The following CIT variants were observed in gnomAD, a reference collection of about 807,000 sequenced individuals.
CIT encodes citron rho-interacting serine/threonine kinase.
In CIT, 79 loss-of-function variants were observed where a neutral mutation model predicts 272.7. That is an observed-to-expected ratio of 0.29 (90% CI 0.24 to 0.35). CIT has a LOEUF of 0.35. Ranked by LOEUF, CIT falls within the 10% of genes least tolerant of loss-of-function variation. The probability of loss-of-function intolerance (pLI) is 1.00; values close to 1 mark genes in which losing one functional copy is unlikely to be tolerated. For missense variants in CIT, 1,909 were observed against 2,618.3 expected, an observed-to-expected ratio of 0.73 and a Z score of 5.91; for synonymous variants, 948 against 995.6, an observed-to-expected ratio of 0.95 and a Z score of 0.90.
chr12:119,845,653 A>C (rs1396809506), intron 5 of CIT, among the ~76,000 whole-genome samples: 3 of 123,376 alleles, frequency 2.4e-5, no homozygotes, highest in South Asian at 5.4e-4. Flanking sequence ...ACTCTGTCTC[A>C]AAAAAAAAAA....
At chr12:119,769,075 CTTT>C (rs10719345) in intron 18 of CIT, among the ~76,000 whole-genome samples, 6 of 142,572 alleles carry the variant, frequency 4.2e-5, no homozygotes, top group African/African-American at 2.6e-5. Context: ...GATAATCATC[CTTT>C]TTTTTTTTTT....
chr12:119,845,753 C>T (rs1198302871), intron 5 of CIT, among the ~76,000 whole-genome samples: 2 of 151,664 alleles, frequency 1.3e-5, no homozygotes, highest in East Asian at 3.9e-4. Context: ...AGTTCAAGAC[C>T]AGCCTGGCCA....
chr12:119,788,910 A>C (rs918273374), intron 10 of CIT, among the ~76,000 whole-genome samples: 4 of 152,164 alleles, frequency 2.6e-5, no homozygotes, highest in African/African-American at 9.7e-5. Flanking sequence ...AGAATAAATA[A>C]AAATTGCATC....
chr12:119,773,031 A>C, intron 16 of CIT, 121 bp from the exon 17 acceptor site: 1 of 932,920 alleles, frequency 1.1e-6, no homozygotes, highest in Non-Finnish European at 1.5e-6. Context: ...AAAAAAAAAA[A>C]GATAGTGACA....
At chr12:119,745,519 A>T (rs1476047556) in intron 23 of CIT, among the ~76,000 whole-genome samples, 1 of 152,106 alleles carries the variant, frequency 6.6e-6, no homozygotes, top group East Asian at 1.9e-4. Context: ...CCTGTGCTAT[A>T]AGAAATGTTA....
At chr12:119,772,663 A>G (rs980773119) in intron 17 of CIT, 107 bp downstream of exon 17, 1 of 1,272,760 alleles carries the variant, frequency 7.9e-7, no homozygotes, top group Non-Finnish European at 1.0e-6. Flanking sequence ...TCAGAAGGGA[A>G]AGCAGCTTTG....
chr12:119,707,148 T>G (rs1956916608), intron 40 of CIT, among the ~76,000 whole-genome samples: 2 of 152,198 alleles, frequency 1.3e-5, no homozygotes, highest in African/African-American at 4.8e-5. Flanking sequence ...TTAGATTTTT[T>G]TTAAGGTTCA....
At chr12:119,709,779 AGAGAGAGAGTGTGTGT>A (rs1360248421) in intron 39 of CIT, among the ~76,000 whole-genome samples, 344 of 60,214 alleles carry the variant, frequency 5.7e-3, no homozygotes, top group Middle Eastern at 0.031. Context: ...AGAGAGAGAG[AGAGAGAGAGTGTGTGT>A]GTGTGTGTGT....
At chr12:119,860,370 A>C (rs1950301662) in intron 3 of CIT, among the ~76,000 whole-genome samples, 1 of 152,184 alleles carries the variant, frequency 6.6e-6, no homozygotes, top group Admixed American at 6.5e-5. Context: ...TACATGGGGA[A>C]TGCCATGAAG....
chr12:119,720,168 C>T (rs1157307064), intron 30 of CIT, among the ~76,000 whole-genome samples: 1 of 152,212 alleles, frequency 6.6e-6, no homozygotes, highest in Non-Finnish European at 1.5e-5. Context: ...ATAAATCTTT[C>T]TCTCTGCATA....
intron 26 of CIT, among the ~76,000 whole-genome samples, chr12:119,731,658 C>T (rs1958453146): frequency 6.6e-6 from 1 of 151,590 alleles, no homozygotes; most frequent in Non-Finnish European, 1.5e-5. Flanking sequence ...CTCCACTGGC[C>T]ATTCCCTCCT....
At chr12:119,691,271 A>T (rs1403622303) in intron 46 of CIT, among the ~76,000 whole-genome samples, 1 of 152,150 alleles carries the variant, frequency 6.6e-6, no homozygotes, top group Non-Finnish European at 1.5e-5. Context: ...CACAGAAGGA[A>T]GTCATCAACT....
In CIT at chr12:119,721,390, T is replaced by C; in HGVS notation, c.3651A>G (p.Gln1217=). Residue 1217 remains glutamine, a synonymous_variant, in exon 29 of 48, where the codon CAA becomes CAG. Coordinates refer to ENST00000392521, the MANE Select transcript of CIT (RefSeq NM_001206999.2). ...CCCGATCTAGAGCTTCTTGCAGTCC[T>C]TGAGTCAGACGGAAAATGTGATTTT... ...LQKNHIFRLT[Q]GLQEALDRAD... is the part of the protein sequence containing the mutation. 6.2e-7 allele frequency: 1 copy of C among 1,612,098 alleles called. No individual in the cohort carries two copies. The highest frequency in any genetic ancestry group is 8.5e-7 in the Non-Finnish European group (1 of 1,178,302).
intron 12 of CIT, chr12:119,783,609 G>A (rs1385999665): frequency 8.7e-6 from 2 of 230,868 alleles, no homozygotes; most frequent in African/African-American, 4.5e-5. Context: ...AGGCTGGGAT[G>A]GGAGATGTTA....
intron 46 of CIT, among the ~76,000 whole-genome samples, chr12:119,692,857 C>T (rs1956033459): frequency 6.6e-6 from 1 of 152,202 alleles, no homozygotes; most frequent in African/African-American, 2.4e-5. Flanking sequence ...CTCAGAAGGC[C>T]AGAACCCCTG....
chr12:119,876,327 G>A, intron 1 of CIT, 146 bp from the exon 2 acceptor site: 3 of 567,882 alleles, frequency 5.3e-6, no homozygotes, highest in Non-Finnish European at 9.4e-6. Context: ...TAATCATGGA[G>A]ATTAAACACC....
intron 19 of CIT, among the ~76,000 whole-genome samples, chr12:119,763,531 C>T (rs139132491): frequency 5.3e-4 from 80 of 152,216 alleles, no homozygotes; most frequent in African/African-American, 1.9e-3. Flanking sequence ...GCCTGGCCTC[C>T]TATATTTCTT....
In CIT at chr12:119,857,715, A is replaced by G. The variant is rs370356207; in HGVS notation, c.239-17T>C. The G allele has an allele frequency of 5.0e-6, 8 of 1,605,028 alleles. No individual in the cohort carries two copies. In the African/African-American group the frequency reaches 5.4e-5, roughly 11 times the overall value. ...TGTCGGAATCTGCAAAAGATGCAAG[A>G]GTTAGCCCCAGGTAAATAAAGCATG... is the stretch of plus-strand genomic sequence containing the variant. On this transcript the variant is annotated splice_polypyrimidine_tract_variant and intron_variant, in intron 3 of 47. Transcript: ENST00000392521.
At position 119,712,951 on chromosome 12, in the gene CIT, CAGA is replaced by C. The variant is rs1245012857; in HGVS notation, c.4579+249_4579+251del. 3.5e-6 allele frequency: 2 copies of C among 579,536 alleles called. No individual in the cohort carries two copies. Among genetic ancestry groups the C allele is most frequent in the African/African-American group, 3.7e-5 (2 of 53,420 alleles). The allele number at this position is 579,536 out of a possible 1,614,324, so 35.9% of individuals were successfully genotyped here. On this transcript the variant is annotated intron_variant, in intron 35 of 47. Coordinates refer to ENST00000392521, the MANE Select transcript of CIT (RefSeq NM_001206999.2). This position sits in a 1 kb window ranked among gnomAD's most constrained non-coding sequence, Gnocchi z 5.2. ...GGATTTATGGGTTAGTTGACTGAGG[CAGA>C]AGTTCTCGGAAGGTGTATTAGCAGG...
Sources: gnomAD v4.1 joint callset for allele counts (sites outside exome capture counted in the v4.1 genomes callset) on GRCh38, gnomAD v4.1.1 for gene constraint, Gnocchi (gnomAD v3.1) non-coding constraint, MANE v1.5 for transcripts, NCBI Gene and HGNC (gene_info 2026-07-23, HGNC 2026-07-21) for gene names.